CREBBP: variants seen among roughly 807,000 people sequenced by gnomAD.
CREBBP encodes CREB binding lysine acetyltransferase, also known as CREB-binding protein.
CREBBP carries 19 observed loss-of-function variants against 265.0 expected under a neutral mutation model. That is an observed-to-expected ratio of 0.07 (90% confidence interval 0.05 to 0.11). The LOEUF (loss-of-function observed/expected upper bound fraction) is 0.11, where lower values mean the gene tolerates loss of function less well. CREBBP is among the 10% of genes least tolerant of loss of function. CREBBP has a pLI of 1.00. For missense variants in CREBBP, 2,525 were observed against 3,219.0 expected, an observed-to-expected ratio of 0.78 and a Z score of 5.22; for synonymous variants, 1,457 against 1,223.7, an observed-to-expected ratio of 1.19 and a Z score of -3.98.
intron 2 of CREBBP, among the ~76,000 whole-genome samples, chr16:3,825,002 C>T (rs1597009334): frequency 1.3e-5 from 2 of 152,188 alleles, no homozygotes; most frequent in Admixed American, 6.5e-5. Flanking sequence ...AAGCACTGTG[C>T]AATCTTGAGG....
intron 21 of CREBBP, among the ~76,000 whole-genome samples, chr16:3,746,098 T>G (rs1169261377): frequency 1.3e-5 from 2 of 152,122 alleles, no homozygotes; most frequent in Admixed American, 6.5e-5. Flanking sequence ...ACCTTGGGTT[T>G]TTGTCAGCTC....
At chr16:3,772,366 C>T (rs900192983) in intron 13 of CREBBP, among the ~76,000 whole-genome samples, 2 of 144,842 alleles carry the variant, frequency 1.4e-5, no homozygotes, top group South Asian at 2.2e-4. Context: ...CACACACACA[C>T]GTTAGTTACT....
chr16:3,862,714 C>T (rs1045094292), intron 1 of CREBBP, among the ~76,000 whole-genome samples: 3 of 152,084 alleles, frequency 2.0e-5, no homozygotes, highest in African/African-American at 4.8e-5. Flanking sequence ...GTATCGAATT[C>T]GTACCTACCG....
intron 3 of CREBBP, among the ~76,000 whole-genome samples, chr16:3,799,039 C>G (rs1247992206): frequency 6.6e-6 from 1 of 152,138 alleles, no homozygotes; most frequent in Non-Finnish European, 1.5e-5. Context: ...ACATGAACTC[C>G]GAAAACATGC....
chr16:3,744,167 TAAC>T (rs770037664), intron 23 of CREBBP, among the ~76,000 whole-genome samples: 5 of 152,146 alleles, frequency 3.3e-5, no homozygotes, highest in Non-Finnish European at 7.4e-5. Context: ...CCAGCTGCAG[TAAC>T]ATGTCCAGCC....
At chr16:3,780,975 A>G in intron 7 of CREBBP, 97 bp from the exon 8 acceptor site, 1 of 1,421,206 alleles carries the variant, frequency 7.0e-7, no homozygotes, top group Non-Finnish European at 9.8e-7. Flanking sequence ...GACTTTTAAA[A>G]GTTTAAGTCA....
intron 6 of CREBBP, among the ~76,000 whole-genome samples, 191 bp downstream of exon 6, chr16:3,782,493 T>C (rs1175419188): frequency 6.6e-6 from 1 of 152,234 alleles, no homozygotes; most frequent in Admixed American, 6.5e-5. Flanking sequence ...CATTTGCAAA[T>C]GCTGCTCTTT....
intron 5 of CREBBP, among the ~76,000 whole-genome samples, chr16:3,790,847 G>A (rs1247808062): frequency 6.6e-6 from 1 of 152,116 alleles, no homozygotes; most frequent in East Asian, 1.9e-4. Flanking sequence ...AAACCACGGG[G>A]GCTGTCACTG....
At chr16:3,834,828 A>G (rs2141426041) in intron 2 of CREBBP, among the ~76,000 whole-genome samples, 1 of 152,290 alleles carries the variant, frequency 6.6e-6, no homozygotes, top group South Asian at 2.1e-4. Context: ...TTTCATTGTG[A>G]AGCTCAAACT....
chr16:3,736,442 C>A, intron 27 of CREBBP: 2 of 799,710 alleles, frequency 2.5e-6, no homozygotes, highest in Non-Finnish European at 4.1e-6. Context: ...GGAAACAGCT[C>A]CAACTGTGCT....
intron 13 of CREBBP, among the ~76,000 whole-genome samples, chr16:3,771,956 G>A (rs368347453): frequency 3.4e-4 from 52 of 151,950 alleles, no homozygotes; most frequent in South Asian, 2.3e-3. Context: ...GATTACAGGC[G>A]TGCAATACCA....
intron 1 of CREBBP, among the ~76,000 whole-genome samples, chr16:3,866,653 CTT>C: frequency 6.6e-6 from 1 of 151,398 alleles, no homozygotes; most frequent in Middle Eastern, 3.4e-3. Flanking sequence ...TGGTTTTTTG[CTT>C]TGTTTGAAAA....
chr16:3,737,619 C>T (rs1036238763), intron 26 of CREBBP, among the ~76,000 whole-genome samples: 4 of 151,912 alleles, frequency 2.6e-5, no homozygotes, highest in South Asian at 4.2e-4. Flanking sequence ...CCCGCCACCA[C>T]GCCTGGCTCA....
intron 2 of CREBBP, among the ~76,000 whole-genome samples, chr16:3,832,123 C>T (rs1223197490): frequency 6.6e-6 from 1 of 151,890 alleles, no homozygotes; most frequent in Non-Finnish European, 1.5e-5. Context: ...AAAATTAGCA[C>T]AAGAAGCAGA....
Position 3,879,986 on chromosome 16 carries a change from G to C in CREBBP, c.-70C>G, listed in dbSNP as rs556124664. Reference sequence around the variant, plus strand: ...CGGCGAGGGCCCGGACGGGGGTCGGGGGCCCTGCCGGCTGCGAGGGAGAGG... The same window carrying C: ...CGGCGAGGGCCCGGACGGGGGTCGGCGGCCCTGCCGGCTGCGAGGGAGAGG... On this transcript the variant is annotated 5_prime_UTR_variant, in exon 1 of 31. Coordinates refer to ENST00000262367, the MANE Select transcript of CREBBP (RefSeq NM_004380.3). The C allele has an allele frequency of 2.7e-6, 4 of 1,468,036 alleles. No homozygotes were observed. The highest frequency in any genetic ancestry group is 2.1e-5 in the Admixed American group (1 of 48,528). 90.9% of individuals were successfully genotyped at this position (1,468,036 alleles called of 1,614,324 possible).
At position 3,728,371 on chromosome 16, in the gene CREBBP, C is replaced by T. The variant is rs2151302315; in HGVS notation, c.6676G>A (p.Ala2226Thr). The change falls in exon 31 of 31, where the codon GCG (alanine) becomes ACG (threonine). Residue 2226 changes from alanine to threonine, a missense_variant. Physicochemically the swap from Ala to Thr is moderately conservative, Grantham distance 58. This residue lies in a region of CREBBP where 473 missense variants were observed against 459.3 expected (regional missense o/e 1.03). Transcript: ENST00000262367. This position sits in a 1 kb window ranked among gnomAD's most constrained non-coding sequence, Gnocchi z 8.7. Reference sequence around the variant, plus strand: ...GGCTGCTGGAACTGGCCGTGCCCCGCCATGCCCCCAGCCATGCCGGCACTC... The same window carrying T: ...GGCTGCTGGAACTGGCCGTGCCCCGTCATGCCCCCAGCCATGCCGGCACTC... ...QGSAGMAGGM[A>T]GHGQFQQPQG... The T allele has an allele frequency of 6.2e-7, 1 of 1,613,006 alleles. No homozygotes were observed. The highest frequency in any genetic ancestry group is 8.5e-7 in the Non-Finnish European group (1 of 1,179,632).
Position 3,740,001 on chromosome 16 carries a change from G to A in CREBBP, c.4134-277C>T, listed in dbSNP as rs1236604305. ...CTATACAGCAGTCCCCCTTATCCAC[G>A]GGGTGTATGTTCCAAGACCAGCAGT... On this transcript the variant is annotated intron_variant, in intron 24 of 30. Transcript: ENST00000262367. Among the ~76,000 whole-genome samples the A allele has an allele frequency of 8.5e-5, 13 of 152,220 alleles. 1 individual carries two copies. Among genetic ancestry groups the A allele is most frequent in the Admixed American group, 5.9e-4 (9 of 15,284 alleles).
chr16:3,745,647 C>T (rs2052324547), intron 21 of CREBBP: 1 of 462,316 alleles, frequency 2.2e-6, no homozygotes, highest in Non-Finnish European at 4.0e-6. Context: ...GCGACAAATA[C>T]ATATTTCACA....
chr16:3,874,618 T>C (rs924885217), intron 1 of CREBBP, among the ~76,000 whole-genome samples: 16 of 152,132 alleles, frequency 1.1e-4, no homozygotes, highest in African/African-American at 3.4e-4. Flanking sequence ...GCAGAGGAAG[T>C]CTGCGGACCC....
Sources: allele counts gnomAD v4.1 joint callset (sites outside exome capture counted in the v4.1 genomes callset), GRCh38; gene constraint gnomAD v4.1.1; regional missense constraint gnomAD v4.1.1; non-coding constraint Gnocchi (gnomAD v3.1); transcripts MANE v1.5; gene names NCBI Gene and HGNC (gene_info 2026-07-23, HGNC 2026-07-21).